Variants in NDRG3 observed in about 807,000 individuals in gnomAD.
NDRG3 encodes the protein protein NDRG3.
A neutral mutation model predicts 57.2 loss-of-function variants in NDRG3; 23 were observed. That is an observed-to-expected ratio of 0.40 (90% CI 0.29 to 0.57). The LOEUF is 0.57. Ranked by LOEUF, NDRG3 falls within the 20% of genes least tolerant of loss-of-function variation. NDRG3 has a pLI of 0.42. For missense variants in NDRG3, 384 were observed against 457.3 expected, an observed-to-expected ratio of 0.84 and a Z score of 1.46; for synonymous variants, 132 against 162.6, an observed-to-expected ratio of 0.81 and a Z score of 1.43.
At chr20:36,655,432 A>C (rs1490219938) in intron 15 of NDRG3, among the ~76,000 whole-genome samples, 2 of 152,074 alleles carry the variant, frequency 1.3e-5, no homozygotes, top group Non-Finnish European at 2.9e-5. Context: ...AAGTGTAGAT[A>C]ATTCTGTGAC....
chr20:36,727,732 G>A (rs868668886), intron 1 of NDRG3, among the ~76,000 whole-genome samples: 2 of 151,556 alleles, frequency 1.3e-5, no homozygotes, highest in Non-Finnish European at 2.9e-5. Flanking sequence ...TAGTAGAGAC[G>A]GAGTTTCACC....
chr20:36,701,664 C>A (rs565345808), intron 3 of NDRG3, among the ~76,000 whole-genome samples: 1 of 151,036 alleles, frequency 6.6e-6, no homozygotes, highest in East Asian at 2.0e-4. Context: ...TTTCCTGCCT[C>A]AGCCTACTGA....
rs556460037 is a variant in NDRG3, at chr20:36,669,217, C to T, written c.588+2124G>A. ...GATTACAGGCACGTGCCACCACACC[C>T]GGCTAATTTTGTATTTTTTTTTTTT... is the stretch of plus-strand genomic sequence containing the variant. On this transcript the variant is annotated intron_variant, in intron 9 of 15. Transcript: ENST00000349004. Among the ~76,000 whole-genome samples, 199 of 151,094 alleles carry T rather than the reference C, an allele frequency of 1.3e-3. 1 individual carries two copies. Among genetic ancestry groups the T allele is most frequent in the Non-Finnish European group, 1.7e-3 (117 of 67,750 alleles).
intron 3 of NDRG3, among the ~76,000 whole-genome samples, chr20:36,698,870 C>T (rs930101201): frequency 3.3e-5 from 5 of 151,876 alleles, no homozygotes; most frequent in Non-Finnish European, 5.9e-5. Context: ...TAAAAATATA[C>T]CACTTATGCC....
intron 1 of NDRG3, among the ~76,000 whole-genome samples, chr20:36,726,834 A>T (rs542809399): frequency 6.6e-6 from 1 of 152,196 alleles, no homozygotes; most frequent in East Asian, 1.9e-4. Context: ...AAAGGTGGCT[A>T]CCTACTCTGT....
chr20:36,717,980 C>T (rs1035134610), intron 2 of NDRG3, among the ~76,000 whole-genome samples: 2 of 152,224 alleles, frequency 1.3e-5, no homozygotes, highest in Non-Finnish European at 2.9e-5. Context: ...AGTGAGAAAT[C>T]CTGCCATACA....
chr20:36,736,372 C>G (rs911725002), intron 1 of NDRG3, among the ~76,000 whole-genome samples: 3 of 152,166 alleles, frequency 2.0e-5, no homozygotes, highest in African/African-American at 7.2e-5. Context: ...CCCTCATTCT[C>G]CAATGAGAAA....
intron 1 of NDRG3, among the ~76,000 whole-genome samples, chr20:36,722,033 T>C (rs911652900): frequency 6.6e-6 from 1 of 152,128 alleles, no homozygotes; most frequent in Non-Finnish European, 1.5e-5. Flanking sequence ...TTTTAACCAT[T>C]AGAATACGGC....
At chr20:36,727,273 G>A (rs925416957) in intron 1 of NDRG3, among the ~76,000 whole-genome samples, 4 of 151,396 alleles carry the variant, frequency 2.6e-5, no homozygotes, top group African/African-American at 4.9e-5. Flanking sequence ...AGGCTGGAGT[G>A]CAGTGGCACG....
At chr20:36,657,759 G>A (rs1019600983) in intron 13 of NDRG3, among the ~76,000 whole-genome samples, 2 of 152,180 alleles carry the variant, frequency 1.3e-5, no homozygotes, top group Admixed American at 6.5e-5. Context: ...AGAAGTTTGA[G>A]ATTAACAAGG....
intron 3 of NDRG3, among the ~76,000 whole-genome samples, chr20:36,705,353 A>AAAAGAAAAGAAAAG (rs1450160908): frequency 3.3e-5 from 5 of 151,772 alleles, no homozygotes; most frequent in African/African-American, 1.2e-4. Context: ...AAAAGAAAAG[A>AAAAGAAAAGAAAAG]AAAGAAAAAA....
chr20:36,654,758 G>A (rs771731292), intron 15 of NDRG3: 2 of 779,528 alleles, frequency 2.6e-6, no homozygotes, highest in South Asian at 1.3e-5. Context: ...GTGCAGCCAG[G>A]AGAGACTGGA....
At chr20:36,703,223 T>C (rs1697369) in intron 3 of NDRG3, among the ~76,000 whole-genome samples, 2,615 of 152,216 alleles carry the variant, frequency 0.017, 68 homozygotes, top group African/African-American at 0.06. Context: ...TATACATATA[T>C]GTATACTACA....
rs772642969 is a variant in NDRG3, at chr20:36,653,484, G to C, written c.*36C>G. The C allele has an allele frequency of 6.3e-7, 1 of 1,588,284 alleles. No individual in the cohort carries two copies. ...TATATTATGGAGTGGTCATTTGAAG[G>C]ATGGACTTGCAATGGTCCAGGGGAG... On this transcript the variant is annotated 3_prime_UTR_variant, in exon 16 of 16. Transcript: ENST00000349004. The surrounding 1 kb of genome is among the most constrained non-coding windows in gnomAD (Gnocchi z 4.2).
rs191865521 is a variant in NDRG3, at chr20:36,719,261, T to C, written c.57+2418A>G. On this transcript the variant is annotated intron_variant, in intron 2 of 15. Coordinates refer to ENST00000349004, the MANE Select transcript of NDRG3 (RefSeq NM_032013.4). Reference sequence around the variant, plus strand: ...GGCCAACATGGTGAAACCCCATCTCTAGTCAAAATACAAAAATTAGCTGGG... The same window carrying C: ...GGCCAACATGGTGAAACCCCATCTCCAGTCAAAATACAAAAATTAGCTGGG... Among the ~76,000 whole-genome samples, 336 of 152,060 alleles carry C rather than the reference T, an allele frequency of 2.2e-3. 1 individual carries two copies. Among genetic ancestry groups the C allele is most frequent in the Middle Eastern group, 0.014 (4 of 292 alleles).
At chr20:36,739,489 T>A (rs1241251373) in intron 1 of NDRG3, among the ~76,000 whole-genome samples, 2 of 143,374 alleles carry the variant, frequency 1.4e-5, no homozygotes, top group East Asian at 2.1e-4. Context: ...CTTGTATCCA[T>A]GAAAGAAAAT....
chr20:36,670,595 A>ACTTGGTT (rs1980061717), intron 9 of NDRG3, among the ~76,000 whole-genome samples: 1 of 152,336 alleles, frequency 6.6e-6, no homozygotes, highest in East Asian at 1.9e-4. Flanking sequence ...TAATAGAACC[A>ACTTGGTT]TGTAAAAAAC....
intron 12 of NDRG3, among the ~76,000 whole-genome samples, chr20:36,661,659 A>C (rs1309670729): frequency 6.6e-6 from 1 of 152,176 alleles, no homozygotes; most frequent in African/African-American, 2.4e-5. Flanking sequence ...GTGTGAGGTG[A>C]GGTAGACTGA....
chr20:36,743,676 G>A (rs916122241), intron 1 of NDRG3, among the ~76,000 whole-genome samples: 17 of 150,670 alleles, frequency 1.1e-4, no homozygotes, highest in African/African-American at 3.9e-4. Flanking sequence ...AAATTAGCTG[G>A]GGGTGGTGGC....
Sources: allele counts gnomAD v4.1 joint callset (sites outside exome capture counted in the v4.1 genomes callset), GRCh38; gene constraint gnomAD v4.1.1; non-coding constraint Gnocchi (gnomAD v3.1); transcripts MANE v1.5; gene names NCBI Gene and HGNC (gene_info 2026-07-23, HGNC 2026-07-21).